Variants in B3GALT1 observed in about 807,000 individuals in gnomAD.
The protein encoded by B3GALT1 is beta-1,3-galactosyltransferase 1, also known as UDP-Gal:betaGlcNAc beta 1,3-galactosyltransferase, polypeptide 1.
B3GALT1 carries 10 observed loss-of-function variants against 23.2 expected under a neutral mutation model. The ratio of observed to expected loss-of-function variants is 0.43; its 90% CI spans 0.27 to 0.73. The LOEUF is 0.73. Ranked by LOEUF, B3GALT1 falls within the 30% of genes least tolerant of loss-of-function variation. The pLI, the probability that B3GALT1 is intolerant of heterozygous loss-of-function variation, is 0.21. For synonymous variants in B3GALT1, 156 were observed against 141.5 expected, an observed-to-expected ratio of 1.10 and a Z score of -0.73; for missense variants, 299 against 405.4, an observed-to-expected ratio of 0.74 and a Z score of 2.25.
chr2:167,860,134 C>A (rs1690070883), intron 4 of B3GALT1, among the ~76,000 whole-genome samples: 1 of 152,046 alleles, frequency 6.6e-6, no homozygotes, highest in African/African-American at 2.4e-5. Context: ...AATCTCTGGC[C>A]CTTGGGGCTT....
chr2:167,680,452 A>G (rs1686508568), intron 3 of B3GALT1, among the ~76,000 whole-genome samples: 1 of 99,888 alleles, frequency 1.0e-5, no homozygotes, highest in East Asian at 2.1e-4. Flanking sequence ...ACAAGTATAC[A>G]TCAAAATCTC....
chr2:167,687,877 G>A (rs145373983), intron 3 of B3GALT1, among the ~76,000 whole-genome samples: 64 of 152,034 alleles, frequency 4.2e-4, no homozygotes, highest in Admixed American at 1.1e-3. Context: ...TACGATAGGC[G>A]ATTAAATTGA....
At chr2:167,763,682 C>T (rs1268353537) in intron 3 of B3GALT1, among the ~76,000 whole-genome samples, 5 of 102,100 alleles carry the variant, frequency 4.9e-5, no homozygotes, top group African/African-American at 1.0e-4. Flanking sequence ...CAGAGCAAGA[C>T]TCTGTCAGAA....
chr2:167,618,525 A>C (rs1261351922), intron 2 of B3GALT1, among the ~76,000 whole-genome samples: 1 of 152,030 alleles, frequency 6.6e-6, no homozygotes, highest in African/African-American at 2.4e-5. Flanking sequence ...CATGATCAAA[A>C]TAAAAAAAGG....
At chr2:167,492,492 C>T (rs1483665415) in intron 2 of B3GALT1, among the ~76,000 whole-genome samples, 1 of 152,042 alleles carries the variant, frequency 6.6e-6, no homozygotes, top group Admixed American at 6.5e-5. Flanking sequence ...TAGGTATATA[C>T]AAAGGAGTAT....
At chr2:167,535,877 C>T (rs1683409901) in intron 2 of B3GALT1, among the ~76,000 whole-genome samples, 4 of 152,078 alleles carry the variant, frequency 2.6e-5, no homozygotes. Context: ...GTGTCTTATT[C>T]AACAAAATTG....
intron 2 of B3GALT1, among the ~76,000 whole-genome samples, chr2:167,512,590 ATGTG>A (rs1377399860): frequency 0.088 from 8,349 of 94,802 alleles, 861 homozygotes; most frequent in South Asian, 0.13. Context: ...GTATATATAT[ATGTG>A]TATATATATA....
chr2:167,840,384 T>G (rs1250706000), intron 4 of B3GALT1, among the ~76,000 whole-genome samples: 1 of 152,034 alleles, frequency 6.6e-6, no homozygotes, highest in Non-Finnish European at 1.5e-5. Flanking sequence ...CAGACACTTC[T>G]CAAAAGAAGA....
intron 1 of B3GALT1, among the ~76,000 whole-genome samples, chr2:167,411,224 TAACAACAACAACAAC>T (rs141653413): frequency 4.6e-5 from 7 of 150,732 alleles, no homozygotes; most frequent in Non-Finnish European, 8.9e-5. Flanking sequence ...ATCTTCTGTA[TAACAACAACAACAAC>T]AACAACAACA....
intron 2 of B3GALT1, among the ~76,000 whole-genome samples, chr2:167,599,544 A>G (rs1323226047): frequency 6.6e-6 from 1 of 152,194 alleles, no homozygotes; most frequent in African/African-American, 2.4e-5. Flanking sequence ...TTCATGATGC[A>G]TGTGTTGGAG....
At chr2:167,680,003 T>C (rs1404282497) in intron 3 of B3GALT1, among the ~76,000 whole-genome samples, 1 of 152,238 alleles carries the variant, frequency 6.6e-6, no homozygotes, top group Non-Finnish European at 1.5e-5. Flanking sequence ...AACATGGGTT[T>C]TTTCTACTTA....
At chr2:167,830,890 G>A (rs1218508377) in intron 4 of B3GALT1, among the ~76,000 whole-genome samples, 1 of 152,172 alleles carries the variant, frequency 6.6e-6, no homozygotes, top group Non-Finnish European at 1.5e-5. Context: ...TGAATATCAG[G>A]GCAGCCTTGC....
chr2:167,670,005 A>C (rs1029713243), intron 3 of B3GALT1, among the ~76,000 whole-genome samples: 45 of 152,222 alleles, frequency 3.0e-4, no homozygotes, highest in African/African-American at 1.1e-3. Context: ...AGACTTCATG[A>C]AGAGGCTCAT....
At chr2:167,669,305 A>G (rs1686277646) in intron 3 of B3GALT1, among the ~76,000 whole-genome samples, 1 of 152,208 alleles carries the variant, frequency 6.6e-6, no homozygotes, top group South Asian at 2.1e-4. Context: ...TAAGTAATGG[A>G]TATTATAATC....
At chr2:167,709,068 C>A (rs1038882603) in intron 3 of B3GALT1, among the ~76,000 whole-genome samples, 2 of 152,160 alleles carry the variant, frequency 1.3e-5, no homozygotes, top group Admixed American at 6.5e-5. Flanking sequence ...TGCTTCTGCC[C>A]ATTTCATGCC....
intron 1 of B3GALT1, among the ~76,000 whole-genome samples, chr2:167,473,381 G>C (rs1699445902): frequency 6.6e-6 from 1 of 152,028 alleles, no homozygotes; most frequent in Admixed American, 6.6e-5. Context: ...TCTCAGAAAG[G>C]TCACTTTCTG....
chr2:167,760,034 G>A (rs927914640), intron 3 of B3GALT1, among the ~76,000 whole-genome samples: 1 of 152,070 alleles, frequency 6.6e-6, no homozygotes, highest in African/African-American at 2.4e-5. Flanking sequence ...TTCTATCATT[G>A]AGGGAGTCTC....
At chr2:167,454,320 C>T (rs1337767168) in intron 1 of B3GALT1, among the ~76,000 whole-genome samples, 1 of 152,204 alleles carries the variant, frequency 6.6e-6, no homozygotes, top group Non-Finnish European at 1.5e-5. Flanking sequence ...AACAGTAGGA[C>T]TGACCTGGAG....
intron 3 of B3GALT1, among the ~76,000 whole-genome samples, chr2:167,700,988 T>C (rs1686873605): frequency 6.6e-6 from 1 of 152,172 alleles, no homozygotes; most frequent in Non-Finnish European, 1.5e-5. Context: ...AATAGTAACT[T>C]CTTGAATGTT....
Sources: allele counts gnomAD v4.1 joint callset (sites outside exome capture counted in the v4.1 genomes callset), GRCh38; gene constraint gnomAD v4.1.1; transcripts MANE v1.5; gene names NCBI Gene and HGNC (gene_info 2026-07-23, HGNC 2026-07-21).